Variants in IL7 observed in about 807,000 individuals in gnomAD.
The protein encoded by IL7 is interleukin-7.
A neutral mutation model predicts 21.6 loss-of-function variants in IL7; 3 were observed. The observed-to-expected ratio is 0.14, with a 90% confidence interval of 0.06 to 0.36. The LOEUF (loss-of-function observed/expected upper bound fraction) is 0.36, where lower values mean the gene tolerates loss of function less well. Among genes scored for constraint, IL7 ranks in the 10% least tolerant of loss-of-function variants. The pLI, the probability that IL7 is intolerant of heterozygous loss-of-function variation, is 1.00. For synonymous variants in IL7, 62 were observed against 68.1 expected (o/e 0.91, Z 0.44); for missense variants, 175 against 200.2 (o/e 0.87, Z 0.76).
chr8:78,803,781 G>A (rs1338969590), intron 1 of IL7, among the ~76,000 whole-genome samples: 3 of 152,164 alleles, frequency 2.0e-5, no homozygotes, highest in Non-Finnish European at 4.4e-5. Context: ...GCTCCGGGAG[G>A]ACATTCCTTA....
At chr8:78,742,962 T>C (rs544149845) in intron 2 of IL7, among the ~76,000 whole-genome samples, 1 of 152,350 alleles carries the variant, frequency 6.6e-6, no homozygotes, top group South Asian at 2.1e-4. Flanking sequence ...CTGCCACTTA[T>C]AAGTGAGAAC....
chr8:78,697,625 G>C (rs963884252), intron 3 of IL7: 1 of 669,206 alleles, frequency 1.5e-6, no homozygotes, highest in African/African-American at 1.9e-5. Flanking sequence ...AAGAGATGTA[G>C]AAGTTAAGTA....
intron 2 of IL7, among the ~76,000 whole-genome samples, chr8:78,795,657 G>A (rs1214873658): frequency 1.3e-5 from 2 of 151,962 alleles, no homozygotes; most frequent in Non-Finnish European, 2.9e-5. Flanking sequence ...ATTTATAAAT[G>A]TTGAACTAGC....
At chr8:78,770,983 C>T (rs1022677558) in intron 2 of IL7, among the ~76,000 whole-genome samples, 1 of 152,002 alleles carries the variant, frequency 6.6e-6, no homozygotes, top group African/African-American at 2.4e-5. Context: ...GGTTCTTCTC[C>T]TTGGTCTCCA....
chr8:78,689,476 C>T, intron 3 of IL7: 2 of 1,089,330 alleles, frequency 1.8e-6, no homozygotes, highest in South Asian at 5.4e-5. Context: ...TTTTTCTCAC[C>T]TGCTTTTATA....
chr8:78,695,722 G>A (rs1042717707), intron 3 of IL7, among the ~76,000 whole-genome samples: 1 of 152,118 alleles, frequency 6.6e-6, no homozygotes, highest in Admixed American at 6.6e-5. Context: ...TAAAAAATCA[G>A]TATCATTATA....
intron 4 of IL7, among the ~76,000 whole-genome samples, chr8:78,737,555 G>A (rs994095030): frequency 6.6e-6 from 1 of 152,058 alleles, no homozygotes; most frequent in Non-Finnish European, 1.5e-5. Flanking sequence ...GAGGAGACTT[G>A]CTTCCATCAA....
chr8:78,748,806 G>C (rs1484482200), intron 2 of IL7, among the ~76,000 whole-genome samples: 1 of 152,036 alleles, frequency 6.6e-6, no homozygotes, highest in Non-Finnish European at 1.5e-5. Context: ...AAAAGGTCAA[G>C]TAAATTGAGT....
intron 5 of IL7, among the ~76,000 whole-genome samples, chr8:78,720,845 TC>T (rs1348369891): frequency 6.6e-6 from 1 of 152,076 alleles, no homozygotes; most frequent in East Asian, 1.9e-4. Context: ...TCATCTTAGT[TC>T]TACCACAGTT....
chr8:78,756,241 G>T (rs900202337), intron 2 of IL7, among the ~76,000 whole-genome samples: 1 of 151,746 alleles, frequency 6.6e-6, no homozygotes, highest in Non-Finnish European at 1.5e-5. Context: ...TTAGTATTTT[G>T]TTGAGAAACT....
At chr8:78,698,567 G>T (rs1466635251) in intron 3 of IL7, 10 of 1,242,876 alleles carry the variant, frequency 8.0e-6, no homozygotes, top group Non-Finnish European at 1.1e-5. Flanking sequence ...CGATACTAAG[G>T]TTTTGTTATG....
chr8:78,737,299 A>G (rs1433405003), intron 4 of IL7, among the ~76,000 whole-genome samples: 4 of 152,170 alleles, frequency 2.6e-5, no homozygotes, highest in Non-Finnish European at 4.4e-5. Context: ...AACAGTCACA[A>G]CTAATTAATT....
rs1394764921 is a variant in IL7, at chr8:78,733,596, A to T, written c.*117T>A. The T allele has an allele frequency of 4.7e-6, 5 of 1,054,848 alleles. No individual in the cohort carries two copies. Among genetic ancestry groups the T allele is most frequent in the Non-Finnish European group, 4.1e-6 (3 of 724,392 alleles). The allele number at this position is 1,054,848 out of a possible 1,614,324, so 65.3% of individuals were successfully genotyped here. On this transcript the variant is annotated 3_prime_UTR_variant, in exon 6 of 6. Coordinates refer to ENST00000263851, the MANE Select transcript of IL7 (RefSeq NM_000880.4). ...TTCTCAAATGCCCTAATCCGTTTTG[A>T]CCATGGTGCATTCAGTAACTTCTAG...
intron 2 of IL7, among the ~76,000 whole-genome samples, chr8:78,778,816 T>C (rs1362602697): frequency 6.6e-6 from 1 of 152,210 alleles, no homozygotes; most frequent in African/African-American, 2.4e-5. Context: ...TAGCATTGGA[T>C]CTATAAATTA....
At chr8:78,771,415 C>G (rs539917377) in intron 2 of IL7, among the ~76,000 whole-genome samples, 1 of 152,156 alleles carries the variant, frequency 6.6e-6, no homozygotes, top group African/African-American at 2.4e-5. Context: ...AGGATTTTTT[C>G]ATAGATAATC....
chr8:78,695,858 A>G (rs907539943), intron 3 of IL7, among the ~76,000 whole-genome samples: 1 of 152,132 alleles, frequency 6.6e-6, no homozygotes, highest in Non-Finnish European at 1.5e-5. Flanking sequence ...TTTTTGTGTG[A>G]CCGTTTATCA....
At chr8:78,753,830 G>A (rs1036378319) in intron 2 of IL7, among the ~76,000 whole-genome samples, 1 of 152,118 alleles carries the variant, frequency 6.6e-6, no homozygotes, top group Non-Finnish European at 1.5e-5. Context: ...ATTAAATAGG[G>A]AAACCTTTCC....
In IL7 at chr8:78,689,502, A is replaced by G. The variant is rs776100502; in HGVS notation, n.215-3555T>C. The stretch of plus-strand genomic sequence containing the variant: ...TGCTTTTATAGATATATAGTTTTAT[A>G]TATCTATAAAAGTTGTATGCTTTTA... On this transcript the variant is annotated intron_variant and non_coding_transcript_variant, in intron 3 of 4. Transcript: ENST00000523959. 17 of 813,404 alleles carry G rather than the reference A, an allele frequency of 2.1e-5. No homozygotes were observed. In the South Asian group the frequency reaches 4.1e-4, roughly 19 times the overall value. 50.4% of individuals were successfully genotyped at this position (813,404 alleles called of 1,614,324 possible). A position where few individuals can be genotyped will look rare whatever the true frequency, so the allele number is the denominator to read the frequency against.
At position 78,784,499 on chromosome 8, in the gene IL7, C is replaced by T. The variant is rs559601876; in HGVS notation, c.147+13573G>A. On this transcript the variant is annotated intron_variant, in intron 2 of 5. Transcript: ENST00000263851. ...ATAATTTTGAATTATACTATATACACGATATAACATATAATTTTATGCTAC... is the reference window on the plus strand; with the variant it reads ...ATAATTTTGAATTATACTATATACATGATATAACATATAATTTTATGCTAC... Among the ~76,000 whole-genome samples the T allele has an allele frequency of 2.3e-4, 35 of 152,004 alleles. No homozygotes were observed. The South Asian group carries it at 3.1e-3, about 14-fold the overall frequency.
Sources: allele counts gnomAD v4.1 joint callset (sites outside exome capture counted in the v4.1 genomes callset), GRCh38; gene constraint gnomAD v4.1.1; transcripts MANE v1.5; gene names NCBI Gene and HGNC (gene_info 2026-07-23, HGNC 2026-07-21).